FMNL2: variants seen among roughly 807,000 people sequenced by gnomAD.
FMNL2 encodes formin-like protein 2.
A neutral mutation model predicts 130.2 loss-of-function variants in FMNL2; 51 were observed. The observed-to-expected ratio is 0.39, with a 90% CI of 0.31 to 0.49. The LOEUF is 0.49. FMNL2 is among the 20% of genes least tolerant of loss of function. FMNL2 has a pLI of 0.85. For missense variants in FMNL2, 977 were observed against 1,316.2 expected, an observed-to-expected ratio of 0.74 and a Z score of 3.99; for synonymous variants, 465 against 467.1, an observed-to-expected ratio of 1.00 and a Z score of 0.06.
chr2:152,571,548 C>G (rs757219114), intron 6 of FMNL2, among the ~76,000 whole-genome samples: 3 of 152,180 alleles, frequency 2.0e-5, no homozygotes, highest in Non-Finnish European at 2.9e-5. Flanking sequence ...TTATGTAATT[C>G]TGTAACAGAA....
chr2:152,411,733 TC>T (rs1686301515), intron 1 of FMNL2, among the ~76,000 whole-genome samples: 1 of 152,196 alleles, frequency 6.6e-6, no homozygotes, highest in South Asian at 2.1e-4. Context: ...CTTAGCAAAT[TC>T]CTAGCACTCT....
At chr2:152,616,515 A>G (rs1698959684) in intron 12 of FMNL2, among the ~76,000 whole-genome samples, 1 of 151,880 alleles carries the variant, frequency 6.6e-6, no homozygotes, top group African/African-American at 2.4e-5. Context: ...ATTTTTTAGT[A>G]GAGATGGGGT....
intron 14 of FMNL2, 25 bp from the exon 15 acceptor site, chr2:152,619,484 C>T: frequency 6.5e-7 from 1 of 1,549,840 alleles, no homozygotes; most frequent in Non-Finnish European, 8.7e-7. Flanking sequence ...TTTCAAAGTC[C>T]ATCTGTTTCT....
chr2:152,543,672 ATCTTTT>A (rs1252159303), intron 3 of FMNL2, among the ~76,000 whole-genome samples: 1 of 137,880 alleles, frequency 7.3e-6, no homozygotes, highest in African/African-American at 2.7e-5. Flanking sequence ...TAAAAAAAAA[ATCTTTT>A]TCTTTATCTT....
chr2:152,379,404 A>C (rs1394370334), intron 1 of FMNL2, among the ~76,000 whole-genome samples: 2 of 152,158 alleles, frequency 1.3e-5, no homozygotes, highest in Non-Finnish European at 2.9e-5. Flanking sequence ...TGGTGAATAA[A>C]ATTTATTTTC....
chr2:152,422,248 A>G (rs1170404942), intron 1 of FMNL2, among the ~76,000 whole-genome samples: 1 of 152,154 alleles, frequency 6.6e-6, no homozygotes, highest in African/African-American at 2.4e-5. Flanking sequence ...AAAGCCTCCT[A>G]GGGATTCCCT....
chr2:152,598,621 T>TGG, intron 9 of FMNL2, among the ~76,000 whole-genome samples: 1 of 118,104 alleles, frequency 8.5e-6, no homozygotes, highest in Non-Finnish European at 2.1e-5. Flanking sequence ...ACCCGGGAGG[T>TGG]AGAGATTGCA....
intron 1 of FMNL2, among the ~76,000 whole-genome samples, chr2:152,479,718 G>GTTTTTTTT (rs749726414): frequency 2.1e-5 from 2 of 96,732 alleles, no homozygotes; most frequent in Non-Finnish European, 4.2e-5. Context: ...GTTGTGGGTT[G>GTTTTTTTT]TTTTTTTTTT....
chr2:152,370,929 G>C (rs898991405), intron 1 of FMNL2, among the ~76,000 whole-genome samples: 3 of 152,160 alleles, frequency 2.0e-5, no homozygotes, highest in East Asian at 1.9e-4. Context: ...TGGCTTGACC[G>C]GGCCACGGGG....
chr2:152,554,816 A>G (rs541834138), intron 4 of FMNL2, among the ~76,000 whole-genome samples: 1 of 152,328 alleles, frequency 6.6e-6, no homozygotes, highest in African/African-American at 2.4e-5. Flanking sequence ...TTTACAAGTA[A>G]ATTGACATTC....
intron 1 of FMNL2, among the ~76,000 whole-genome samples, chr2:152,482,309 G>C (rs1690571179): frequency 6.6e-6 from 1 of 152,094 alleles, no homozygotes; most frequent in African/African-American, 2.4e-5. Flanking sequence ...CCCCTAGCCA[G>C]TAAATATTTA....
At chr2:152,500,956 T>G (rs1223683873) in intron 1 of FMNL2, among the ~76,000 whole-genome samples, 1 of 152,252 alleles carries the variant, frequency 6.6e-6, no homozygotes, top group Non-Finnish European at 1.5e-5. Context: ...AGCCTGTGAG[T>G]TAAGTCCCTG....
chr2:152,608,200 G>A (rs1698480214), intron 10 of FMNL2, among the ~76,000 whole-genome samples: 1 of 152,042 alleles, frequency 6.6e-6, no homozygotes, highest in East Asian at 1.9e-4. Flanking sequence ...TCCTAACCGG[G>A]CTGTAATTTC....
intron 1 of FMNL2, among the ~76,000 whole-genome samples, chr2:152,515,241 C>A (rs1692703513): frequency 6.6e-6 from 1 of 152,168 alleles, no homozygotes; most frequent in Non-Finnish European, 1.5e-5. Context: ...GATTATTTGA[C>A]ATGCTCCGTT....
intron 6 of FMNL2, among the ~76,000 whole-genome samples, chr2:152,561,641 T>C (rs1695535755): frequency 6.6e-6 from 1 of 151,968 alleles, no homozygotes. Flanking sequence ...TGGCACAATC[T>C]TGGCTCACTG....
chr2:152,345,363 T>G (rs1682055657), intron 1 of FMNL2, among the ~76,000 whole-genome samples: 1 of 151,870 alleles, frequency 6.6e-6, no homozygotes, highest in Admixed American at 6.6e-5. Flanking sequence ...AATAACATTC[T>G]TTTTTTTATT....
intron 1 of FMNL2, among the ~76,000 whole-genome samples, chr2:152,452,009 A>G (rs927705792): frequency 6.6e-6 from 1 of 152,188 alleles, no homozygotes; most frequent in Non-Finnish European, 1.5e-5. Flanking sequence ...TCTGGGAGCC[A>G]TTGATTTGTA....
intron 1 of FMNL2, among the ~76,000 whole-genome samples, chr2:152,489,281 C>T (rs1194099039): frequency 1.3e-5 from 2 of 152,250 alleles, no homozygotes; most frequent in Non-Finnish European, 2.9e-5. Flanking sequence ...ACACCTATAA[C>T]AGGAAGGAAA....
At chr2:152,557,681 G>C (rs1255234760) in intron 4 of FMNL2, among the ~76,000 whole-genome samples, 1 of 152,166 alleles carries the variant, frequency 6.6e-6, no homozygotes, top group Non-Finnish European at 1.5e-5. Flanking sequence ...CATGCTTAAG[G>C]GATACTTGGT....
Sources: gnomAD v4.1 joint callset for allele counts (sites outside exome capture counted in the v4.1 genomes callset) on GRCh38, gnomAD v4.1.1 for gene constraint, MANE v1.5 for transcripts, NCBI Gene and HGNC (gene_info 2026-07-23, HGNC 2026-07-21) for gene names.